ZNF700: variants seen among roughly 807,000 people sequenced by gnomAD.
ZNF700 encodes the protein zinc finger protein 700.
Under a neutral mutation model 65.3 loss-of-function variants are expected in ZNF700, and 38 were observed. The observed-to-expected ratio is 0.58, with a 90% CI of 0.45 to 0.76. The LOEUF is 0.76. Ranked by LOEUF, ZNF700 falls within the 30% of genes least tolerant of loss-of-function variation. The pLI, the probability that ZNF700 is intolerant of heterozygous loss-of-function variation, is 0.00. For synonymous variants in ZNF700, 285 were observed against 290.4 expected (o/e 0.98, Z 0.19); for missense variants, 857 against 888.4 (o/e 0.96, Z 0.45).
At position 11,948,708 on chromosome 19, in the gene ZNF700, G is replaced by A. The variant is rs768117710; in HGVS notation, c.684G>A (p.Gly228=). 5.0e-6 allele frequency: 8 copies of A among 1,612,650 alleles called. No individual in the cohort carries two copies. Among genetic ancestry groups the A allele is most frequent in the Non-Finnish European group, 6.8e-6 (8 of 1,179,676 alleles). The change falls in exon 4 of 4, where the codon GGG becomes GGA. Residue 228 remains glycine, a synonymous_variant. Coordinates refer to ENST00000254321, the MANE Select transcript of ZNF700 (RefSeq NM_144566.3). ...GAACTTATAAATGTAAATTTTGTGG[G>A]AAAGCCTTCCATTCTTTCAGTTTAT... ...GDGTYKCKFC[G]KAFHSFSLYL...
chr19:11,925,744 G>T (rs1275621921), intron 1 of ZNF700, among the ~76,000 whole-genome samples: 3 of 152,154 alleles, frequency 2.0e-5, no homozygotes, highest in African/African-American at 7.2e-5. Context: ...GAAACACCCC[G>T]TCCTGGGTTG....
At position 11,925,299 on chromosome 19, in the gene ZNF700, G is replaced by A. The variant is rs778745103; in HGVS notation, c.63+26G>A. On this transcript the variant is annotated intron_variant, in intron 1 of 3. Transcript: ENST00000254321. ...GTGCGTGTGCGGGACCAGATGTCGT[G>A]AGACGGGGGAGGGGCTGCCTGGAAC... 10 of 1,609,326 alleles carry A rather than the reference G, an allele frequency of 6.2e-6. No individual in the cohort carries two copies. The Admixed American group carries it at 1.7e-4, about 27-fold the overall frequency.
rs1973049828 is a variant in ZNF700 at position 11,950,460 on chromosome 19, A to G, written c.*207A>G. 1 of 703,820 alleles carries G rather than the reference A, an allele frequency of 1.4e-6. No homozygotes were observed. The highest frequency in any genetic ancestry group is 1.8e-5 in the African/African-American group (1 of 56,378). 43.6% of individuals were successfully genotyped at this position (703,820 alleles called of 1,614,324 possible). ...AATGTCATGAAAGGACTCACACGGG[A>G]GAGAAACCCTATGAGTGTATTCTAG... On this transcript the variant is annotated 3_prime_UTR_variant, in exon 4 of 4. Coordinates refer to ENST00000254321, the MANE Select transcript of ZNF700 (RefSeq NM_144566.3).
At chr19:11,928,729 C>T (rs1972671352) in intron 1 of ZNF700, among the ~76,000 whole-genome samples, 1 of 114,188 alleles carries the variant, frequency 8.8e-6, no homozygotes. Context: ...GAGACTCCGT[C>T]TCAAAAAAAA....
intron 1 of ZNF700, among the ~76,000 whole-genome samples, chr19:11,930,414 GA>G (rs1972696560): frequency 6.7e-6 from 1 of 148,434 alleles, no homozygotes; most frequent in South Asian, 2.1e-4. Flanking sequence ...CCACATGGAG[GA>G]ACTGGGAGGA....
rs1168592173 is a variant in ZNF700 at position 11,948,543 on chromosome 19, A to C, written c.519A>C (p.Lys173Asn). The change falls in exon 4 of 4, where the codon AAA becomes AAC. Residue 173 changes from lysine (K) to asparagine (N), a missense_variant. Physicochemically the swap from Lys to Asn is moderately conservative, Grantham distance 94. Around this residue, in one of 3 missense-constraint regions of ZNF700, gnomAD observed 603 missense variants for 619.9 expected, o/e 0.97. Transcript: ENST00000254321. ...AGTGTCAACAACCTAAAAATAAGAA[A>C]GCCTTCAGGTATCGCCCATCCATTA... ...PYKCQQPKNK[K>N]AFRYRPSIRT... The C allele has an allele frequency of 6.2e-7, 1 of 1,610,334 alleles. No individual in the cohort carries two copies. The highest frequency in any genetic ancestry group is 1.3e-5 in the African/African-American group (1 of 74,496).
At chr19:11,939,789 TG>T (rs1972851862) in intron 1 of ZNF700, among the ~76,000 whole-genome samples, 1 of 152,030 alleles carries the variant, frequency 6.6e-6, no homozygotes, top group South Asian at 2.1e-4. Flanking sequence ...CATTACTTAT[TG>T]GAAAACAAAA....
rs1973037530 is a variant in ZNF700, at chr19:11,949,972, T to C, written c.1948T>C (p.Cys650Arg). The C allele has an allele frequency of 6.2e-7, 1 of 1,614,094 alleles. No individual in the cohort carries two copies. Among genetic ancestry groups the C allele is most frequent in the Non-Finnish European group, 8.5e-7 (1 of 1,180,006 alleles). Reference sequence around the variant, plus strand: ...TCACACTGGAGAGAAACCCTATGAATGTAAGGAATGCGAAAAAGCATTCTG... The same window carrying C: ...TCACACTGGAGAGAAACCCTATGAACGTAAGGAATGCGAAAAAGCATTCTG... The part of the protein sequence containing the change: ...RTHTGEKPYE[C>R]KECEKAFCKF... Residue 650 changes from cysteine (C) to arginine (R), a missense_variant, in exon 4 of 4, where the codon TGT becomes CGT. Physicochemically the swap from Cys to Arg is radical, Grantham distance 180. Transcript: ENST00000254321.
chr19:11,930,497 C>T (rs1425834447), intron 1 of ZNF700, among the ~76,000 whole-genome samples: 1 of 148,420 alleles, frequency 6.7e-6, no homozygotes, highest in East Asian at 1.9e-4. Context: ...AATCTATAAT[C>T]AAAATGCATG....
chr19:11,932,946 TA>T (rs1972737436), intron 1 of ZNF700, among the ~76,000 whole-genome samples: 1 of 148,584 alleles, frequency 6.7e-6, no homozygotes, highest in Admixed American at 6.6e-5. Flanking sequence ...CAATATGTGA[TA>T]TTTTATATTG....
At chr19:11,945,108 C>A (rs1039129112) in intron 1 of ZNF700, among the ~76,000 whole-genome samples, 4 of 152,224 alleles carry the variant, frequency 2.6e-5, no homozygotes, top group Non-Finnish European at 5.9e-5. Flanking sequence ...TTTTCTGACA[C>A]AGTGTAAAAG....
rs756548745 is a variant in ZNF700 at position 11,949,167 on chromosome 19, A to G, written c.1143A>G (p.Glu381=). The change falls in exon 4 of 4, where the codon GAA becomes GAG. Residue 381 remains glutamate, a synonymous_variant. Transcript: ENST00000254321. The part of the protein sequence containing the change: ...FYSAKSFQTH[E]KTHTGEKRYK... Reference sequence around the variant, plus strand: ...CTGCCAAGTCATTTCAAACACATGAAAAAACTCACACTGGAGAGAAACGCT... The same window carrying G: ...CTGCCAAGTCATTTCAAACACATGAGAAAACTCACACTGGAGAGAAACGCT... 4.3e-6 allele frequency: 7 copies of G among 1,612,190 alleles called. No individual in the cohort carries two copies. Among genetic ancestry groups the G allele is most frequent in the Non-Finnish European group, 5.9e-6 (7 of 1,179,772 alleles).
rs775104047 is a variant in ZNF700 at position 11,947,552 on chromosome 19, C to A, written c.229C>A (p.Gln77Lys). 6.2e-7 allele frequency: 1 copy of A among 1,613,516 alleles called. No homozygotes were observed. Among genetic ancestry groups the A allele is most frequent in the South Asian group, 1.1e-5 (1 of 90,816 alleles). The change falls in exon 3 of 4, where the codon CAA (glutamine) becomes AAA (lysine). Residue 77 changes from glutamine to lysine, a missense_variant. Gln to Lys is a moderately conservative substitution (Grantham distance 53). This residue lies in a region of ZNF700 where 603 missense variants were observed against 619.9 expected (regional missense o/e 0.97). Coordinates refer to ENST00000254321, the MANE Select transcript of ZNF700 (RefSeq NM_144566.3). The part of the protein sequence containing the change: ...WSDQNIEYEY[Q>K]NPRRSFRSLI... ...TGACCAGAACATTGAATATGAGTAC[C>A]AAAACCCCAGAAGAAGCTTCAGGTA...
intron 1 of ZNF700, among the ~76,000 whole-genome samples, chr19:11,936,948 G>A (rs1430949947): frequency 2.0e-5 from 3 of 152,062 alleles, no homozygotes; most frequent in East Asian, 1.9e-4. Context: ...ATAGGGAATC[G>A]TTTCCCCATT....
intron 1 of ZNF700, among the ~76,000 whole-genome samples, chr19:11,940,610 G>T (rs931747263): frequency 6.6e-6 from 1 of 152,166 alleles, no homozygotes; most frequent in Non-Finnish European, 1.5e-5. Flanking sequence ...CCCAAAGAGT[G>T]AGCACTAGCA....
rs547714890 is a variant in ZNF700 at position 11,936,864 on chromosome 19, G to A, written c.64-10317G>A. On this transcript the variant is annotated intron_variant, in intron 1 of 3. Transcript: ENST00000254321. ...TAATCCATCTTGAATTAATTTTTGT[G>A]TAAGGTGTAAGGAAGGGATCCAGTT... is the stretch of plus-strand genomic sequence containing the variant. Among the ~76,000 whole-genome samples the A allele has an allele frequency of 7.2e-5, 11 of 152,252 alleles. No homozygotes were observed. In the East Asian group the frequency reaches 9.6e-4, roughly 13 times the overall value.
rs761885647 is a variant in ZNF700, at chr19:11,948,750, A to C, written c.726A>C (p.Arg242Ser). 6.8e-6 allele frequency: 11 copies of C among 1,611,980 alleles called. No homozygotes were observed. The East Asian group carries it at 2.0e-4, about 29-fold the overall frequency. Residue 242 changes from arginine to serine, a missense_variant, in exon 4 of 4, where the codon AGA (arginine) becomes AGC (serine). By Grantham distance (110) the Arg-to-Ser change is moderately radical (BLOSUM62 -1). Coordinates refer to ENST00000254321, the MANE Select transcript of ZNF700 (RefSeq NM_144566.3). ...TCAGTTTATATCTTATCCATGAAAG[A>C]ACTCACACTGGAGAGAAACCATATG... Reference protein sequence around the residue: ...HSFSLYLIHERTHTGEKPYEC... With the variant: ...HSFSLYLIHESTHTGEKPYEC...
intron 1 of ZNF700, among the ~76,000 whole-genome samples, chr19:11,929,115 C>T (rs1359755541): frequency 6.7e-6 from 1 of 148,244 alleles, no homozygotes; most frequent in Non-Finnish European, 1.5e-5. Flanking sequence ...GATCACATTG[C>T]TTCAAGATAA....
At chr19:11,939,330 G>C (rs528249248) in intron 1 of ZNF700, among the ~76,000 whole-genome samples, 3 of 152,260 alleles carry the variant, frequency 2.0e-5, no homozygotes, top group East Asian at 3.9e-4. Context: ...TATTGCCTAG[G>C]TTTTCTTCTA....
Sources: gnomAD v4.1 joint callset for allele counts (sites outside exome capture counted in the v4.1 genomes callset) on GRCh38, gnomAD v4.1.1 for gene constraint, gnomAD v4.1.1 regional missense constraint, MANE v1.5 for transcripts, NCBI Gene and HGNC (gene_info 2026-07-23, HGNC 2026-07-21) for gene names.